The following PTPRG variants were observed in gnomAD, a reference collection of about 807,000 sequenced individuals.
PTPRG encodes the protein protein tyrosine phosphatase receptor type G.
Under a neutral mutation model 165.3 loss-of-function variants are expected in PTPRG, and 102 were observed. That is an observed-to-expected ratio of 0.62 (90% confidence interval 0.53 to 0.73). PTPRG has a LOEUF of 0.73. Among genes scored for constraint, PTPRG ranks in the 30% least tolerant of loss-of-function variants. The pLI is 0.00. For missense variants in PTPRG, 1,866 were observed against 1,861.4 expected, an observed-to-expected ratio of 1.00 and a Z score of -0.05; for synonymous variants, 675 against 669.5, an observed-to-expected ratio of 1.01 and a Z score of -0.13.
chr3:62,230,916 A>G (rs770497794), intron 13 of PTPRG, among the ~76,000 whole-genome samples: 37 of 152,202 alleles, frequency 2.4e-4, no homozygotes, highest in Admixed American at 2.4e-3. Flanking sequence ...GGGTATATGA[A>G]TGACAAGGGT....
intron 2 of PTPRG, among the ~76,000 whole-genome samples, chr3:61,941,729 T>G (rs2039634711): frequency 6.6e-6 from 1 of 152,230 alleles, no homozygotes; most frequent in African/African-American, 2.4e-5. Flanking sequence ...AACTTCCCCT[T>G]TTTTTGGTCT....
At chr3:61,727,589 C>A (rs1174842551) in intron 1 of PTPRG, among the ~76,000 whole-genome samples, 2 of 152,178 alleles carry the variant, frequency 1.3e-5, no homozygotes. Context: ...TCGTAAGTTA[C>A]AAAGGCATGC....
intron 2 of PTPRG, among the ~76,000 whole-genome samples, chr3:61,886,258 C>T (rs7652922): frequency 0.044 from 6,740 of 152,172 alleles, 510 homozygotes; most frequent in African/African-American, 0.15. Flanking sequence ...ATAACCATAA[C>T]CCTCCTCTTA....
chr3:61,907,975 G>T (rs1262067152), intron 2 of PTPRG, among the ~76,000 whole-genome samples: 1 of 151,838 alleles, frequency 6.6e-6, no homozygotes, highest in South Asian at 2.1e-4. Flanking sequence ...AAAACAATTA[G>T]CTGGGTGTAG....
chr3:62,084,945 G>A (rs546852636), intron 5 of PTPRG, among the ~76,000 whole-genome samples: 1 of 152,238 alleles, frequency 6.6e-6, no homozygotes, highest in East Asian at 1.9e-4. Flanking sequence ...ACACATTTAG[G>A]CTCCATTGTC....
chr3:61,564,825 C>T (rs569684783), intron 1 of PTPRG, among the ~76,000 whole-genome samples: 1 of 152,154 alleles, frequency 6.6e-6, no homozygotes, highest in Admixed American at 6.5e-5. Flanking sequence ...GGTTCCCAGG[C>T]TCTGGGGCTG....
chr3:61,953,064 T>G (rs754507750), intron 2 of PTPRG, among the ~76,000 whole-genome samples: 1 of 152,274 alleles, frequency 6.6e-6, no homozygotes. Flanking sequence ...TCTTAATTTC[T>G]CGCCCTTTCT....
At chr3:62,042,046 G>C (rs2107804208) in intron 4 of PTPRG, among the ~76,000 whole-genome samples, 1 of 152,310 alleles carries the variant, frequency 6.6e-6, no homozygotes, top group South Asian at 2.1e-4. Flanking sequence ...GGGGAAGTGA[G>C]GTCAGAACCC....
At chr3:61,628,902 G>T (rs1701689734) in intron 1 of PTPRG, among the ~76,000 whole-genome samples, 2 of 152,180 alleles carry the variant, frequency 1.3e-5, no homozygotes, top group South Asian at 4.1e-4. Flanking sequence ...AAGCATCTTT[G>T]TTGGTAAACA....
In PTPRG at chr3:61,888,181, T is replaced by G. The variant is rs2038103057; in HGVS notation, c.191-101444T>G. Among the ~76,000 whole-genome samples, 7 of 151,506 alleles carry G rather than the reference T, an allele frequency of 4.6e-5. No homozygotes were observed. In the South Asian group the frequency reaches 1.3e-3, roughly 28 times the overall value. Reference sequence around the variant, plus strand: ...CCGTCTGTATACTTTTGATCTAGTTTCACTAATTTTTAAATCTTTGTGTGT... The same window carrying G: ...CCGTCTGTATACTTTTGATCTAGTTGCACTAATTTTTAAATCTTTGTGTGT... On this transcript the variant is annotated intron_variant, in intron 2 of 29. Coordinates refer to ENST00000474889, the MANE Select transcript of PTPRG (RefSeq NM_002841.4).
At chr3:62,248,746 C>T (rs1319592921) in intron 15 of PTPRG, among the ~76,000 whole-genome samples, 2 of 152,252 alleles carry the variant, frequency 1.3e-5, no homozygotes, top group African/African-American at 4.8e-5. Flanking sequence ...CACAAATGTC[C>T]TAACGAATGC....
At chr3:62,253,704 G>A (rs1701473303) in intron 15 of PTPRG, among the ~76,000 whole-genome samples, 1 of 152,178 alleles carries the variant, frequency 6.6e-6, no homozygotes, top group South Asian at 2.1e-4. Flanking sequence ...GTTACATCAT[G>A]AGAGCTATAG....
intron 1 of PTPRG, among the ~76,000 whole-genome samples, chr3:61,672,237 T>C (rs1157236857): frequency 2.1e-5 from 2 of 94,870 alleles, no homozygotes; most frequent in African/African-American, 4.1e-5. Flanking sequence ...CTTTCCAGAC[T>C]GGGCAGCCAG....
intron 2 of PTPRG, among the ~76,000 whole-genome samples, chr3:61,835,615 A>C (rs2036434001): frequency 6.6e-6 from 1 of 152,000 alleles, no homozygotes; most frequent in African/African-American, 2.4e-5. Context: ...TATAGGCATG[A>C]ACCACCACGC....
At chr3:61,862,554 G>A (rs1043133397) in intron 2 of PTPRG, among the ~76,000 whole-genome samples, 8 of 151,720 alleles carry the variant, frequency 5.3e-5, no homozygotes, top group South Asian at 2.1e-4. Flanking sequence ...CGCCCAGCAC[G>A]CCCACTAATT....
intron 1 of PTPRG, among the ~76,000 whole-genome samples, chr3:61,590,691 A>C (rs1460833061): frequency 6.6e-6 from 1 of 152,224 alleles, no homozygotes; most frequent in African/African-American, 2.4e-5. Context: ...TTTTACATGA[A>C]TAATATGCTG....
chr3:61,722,625 T>C (rs1355227259), intron 1 of PTPRG, among the ~76,000 whole-genome samples: 5 of 152,232 alleles, frequency 3.3e-5, no homozygotes, highest in Admixed American at 6.5e-5. Flanking sequence ...ATATAAAATA[T>C]GAAAGTCAGT....
chr3:61,595,197 TTCC>T (rs1700672159), intron 1 of PTPRG, among the ~76,000 whole-genome samples: 1 of 152,170 alleles, frequency 6.6e-6, no homozygotes, highest in Non-Finnish European at 1.5e-5. Flanking sequence ...TTTTTTTTTT[TTCC>T]TTTGTACTCT....
intron 13 of PTPRG, among the ~76,000 whole-genome samples, chr3:62,223,314 C>T (rs1421008084): frequency 1.3e-5 from 2 of 152,188 alleles, no homozygotes; most frequent in Non-Finnish European, 2.9e-5. Flanking sequence ...CACACTCCAC[C>T]ACACTGTTTA....
Sources: gnomAD v4.1 joint callset for allele counts (sites outside exome capture counted in the v4.1 genomes callset) on GRCh38, gnomAD v4.1.1 for gene constraint, MANE v1.5 for transcripts, NCBI Gene and HGNC (gene_info 2026-07-23, HGNC 2026-07-21) for gene names.